Variants in SV2C observed in about 807,000 individuals in gnomAD.
SV2C encodes the protein solute carrier family 22 member B3.
In SV2C, 49 loss-of-function variants were observed where a neutral mutation model predicts 79.7. That is an observed-to-expected ratio of 0.61 (90% CI 0.49 to 0.78). SV2C has a LOEUF of 0.78. SV2C is among the 30% of genes least tolerant of loss of function. SV2C has a pLI of 0.00. For missense variants in SV2C, 833 were observed against 912.9 expected (o/e 0.91, Z 1.13); for synonymous variants, 334 against 333.2 (o/e 1.00, Z -0.03).
the SV2C span, among the ~76,000 whole-genome samples, chr5:75,978,129 C>A: frequency 1.3e-5 from 2 of 152,170 alleles, no homozygotes; most frequent in East Asian, 3.9e-4. Context: ...ACCAATGACC[C>A]CCATATTGCT....
chr5:76,095,295 C>T (rs932597770), intron 1 of SV2C, among the ~76,000 whole-genome samples: 1 of 152,008 alleles, frequency 6.6e-6, no homozygotes, highest in Non-Finnish European at 1.5e-5. Flanking sequence ...ATTACTGATA[C>T]ATTATTATTA....
At chr5:76,281,367 CT>C in intron 4 of SV2C, 3 of 248,632 alleles carry the variant, frequency 1.2e-5, no homozygotes, top group South Asian at 4.6e-5. Flanking sequence ...GTCTATATGC[CT>C]TTTTTAAAAA....
chr5:75,955,970 T>C, the SV2C span, among the ~76,000 whole-genome samples: 2 of 151,074 alleles, frequency 1.3e-5, no homozygotes, highest in African/African-American at 2.4e-5. Flanking sequence ...AGTTCAACCA[T>C]TGTGGAAGTC....
chr5:75,867,223 G>A, the SV2C span, among the ~76,000 whole-genome samples: 1 of 152,180 alleles, frequency 6.6e-6, no homozygotes, highest in African/African-American at 2.4e-5. Context: ...ATCATGGATA[G>A]TTTGGCAGAG....
intron 4 of SV2C, among the ~76,000 whole-genome samples, chr5:76,241,060 G>T (rs1198273223): frequency 6.6e-6 from 1 of 152,056 alleles, no homozygotes; most frequent in Admixed American, 6.5e-5. Flanking sequence ...AGGTTCAAGC[G>T]ATTCTCCTGC....
At chr5:76,300,144 C>T (rs1747931333) in intron 10 of SV2C, among the ~76,000 whole-genome samples, 1 of 122,580 alleles carries the variant, frequency 8.2e-6, no homozygotes, top group Non-Finnish European at 1.7e-5. Flanking sequence ...CTCACTGCGG[C>T]CTCAAATAAA....
rs1319860999 is a variant in SV2C at position 76,131,742 on chromosome 5, T to C, written c.-9T>C. On this transcript the variant is annotated 5_prime_UTR_variant, in exon 2 of 13. Coordinates refer to ENST00000502798, the MANE Select transcript of SV2C (RefSeq NM_014979.4). ...TCCCATCTTCTCATTGGCCATCAGT[T>C]GAGATAAGATGGAAGACTCTTACAA... The C allele has an allele frequency of 6.3e-7, 1 of 1,583,662 alleles. No homozygotes were observed.
intron 1 of SV2C, among the ~76,000 whole-genome samples, chr5:76,099,525 C>A (rs1747670587): frequency 6.6e-6 from 1 of 152,134 alleles, no homozygotes; most frequent in Non-Finnish European, 1.5e-5. Context: ...GGGTTTCCTT[C>A]TCTCTCAGGA....
At chr5:75,959,014 A>G in the SV2C span, among the ~76,000 whole-genome samples, 2 of 151,970 alleles carry the variant, frequency 1.3e-5, no homozygotes, top group African/African-American at 4.8e-5. Context: ...ACCTCATGCT[A>G]AAACTGTGAC....
the SV2C span, among the ~76,000 whole-genome samples, chr5:76,011,592 C>A: frequency 1.3e-5 from 2 of 151,940 alleles, no homozygotes; most frequent in African/African-American, 2.4e-5. Context: ...CTAACCTATA[C>A]TTTTCCTGTT....
intron 1 of SV2C, among the ~76,000 whole-genome samples, chr5:76,124,015 G>T (rs1748620585): frequency 6.6e-6 from 1 of 152,168 alleles, no homozygotes; most frequent in Non-Finnish European, 1.5e-5. Context: ...GGGCATCTCT[G>T]GGTGGCAGAA....
rs1749243271 is a variant in SV2C at position 76,333,537 on chromosome 5, C to T, written c.*7990C>T. 6.6e-6 allele frequency: 1 copy of T among 152,210 alleles called. No homozygotes were observed. Among genetic ancestry groups the T allele is most frequent in the Non-Finnish European group, 1.5e-5 (1 of 68,066 alleles). The allele number at this position is 152,210 out of a possible 1,614,324, so 9.4% of individuals were successfully genotyped here. A position where few individuals can be genotyped will look rare whatever the true frequency, so the allele number is the denominator to read the frequency against. ...GGCTTTGTTTTCCTTTTTTATTCTT[C>T]CTGTTTTTAATGCTGTGTAAGATCT... On this transcript the variant is annotated 3_prime_UTR_variant, in exon 13 of 13. Transcript: ENST00000502798.
At chr5:76,107,168 C>G (rs1214500432) in intron 1 of SV2C, among the ~76,000 whole-genome samples, 1 of 152,152 alleles carries the variant, frequency 6.6e-6, no homozygotes, top group African/African-American at 2.4e-5. Context: ...TCAAGAAAAT[C>G]AGTAAGCAAT....
At chr5:76,153,346 T>G (rs535451533) in intron 2 of SV2C, among the ~76,000 whole-genome samples, 5 of 152,314 alleles carry the variant, frequency 3.3e-5, no homozygotes, top group Non-Finnish European at 5.9e-5. Context: ...CAGCTCAGCA[T>G]CCTTCTGATG....
chr5:76,277,868 T>C (rs941983817), intron 4 of SV2C, among the ~76,000 whole-genome samples: 1 of 151,702 alleles, frequency 6.6e-6, no homozygotes, highest in Admixed American at 6.6e-5. Flanking sequence ...TTGCCAGGGG[T>C]TAGGGCTGGA....
chr5:76,169,289 A>C (rs982474759), intron 2 of SV2C, among the ~76,000 whole-genome samples: 1 of 152,190 alleles, frequency 6.6e-6, no homozygotes, highest in African/African-American at 2.4e-5. Flanking sequence ...CTGTGGCAAT[A>C]TGATGGCTGT....
At chr5:76,231,354 TAC>T (rs1220568516) in intron 4 of SV2C, among the ~76,000 whole-genome samples, 1 of 152,214 alleles carries the variant, frequency 6.6e-6, no homozygotes, top group Non-Finnish European at 1.5e-5. Context: ...TATTAATATA[TAC>T]AGTTATTATT....
At chr5:76,283,337 G>A (rs1747253425) in intron 4 of SV2C, among the ~76,000 whole-genome samples, 1 of 152,070 alleles carries the variant, frequency 6.6e-6, no homozygotes, top group Admixed American at 6.5e-5. Flanking sequence ...CAAAACAAAA[G>A]CAAAAGAACA....
intron 2 of SV2C, among the ~76,000 whole-genome samples, chr5:76,138,196 T>C (rs1291904576): frequency 1.3e-5 from 2 of 152,232 alleles, no homozygotes; most frequent in Non-Finnish European, 2.9e-5. Flanking sequence ...ATAGGAGACC[T>C]AGAGAGCTCG....
Sources: gnomAD v4.1 joint callset for allele counts (sites outside exome capture counted in the v4.1 genomes callset) on GRCh38, gnomAD v4.1.1 for gene constraint, MANE v1.5 for transcripts, NCBI Gene and HGNC (gene_info 2026-07-23, HGNC 2026-07-21) for gene names.